Variants in PDCD6 observed in about 807,000 individuals in gnomAD.
The protein encoded by PDCD6 is programmed cell death protein 6.
PDCD6 carries 12 observed loss-of-function variants against 28.3 expected under a neutral mutation model. That is an observed-to-expected ratio of 0.42 (90% CI 0.27 to 0.69). The LOEUF (loss-of-function observed/expected upper bound fraction) is 0.69. PDCD6 is among the 30% of genes least tolerant of loss of function. PDCD6 has a pLI of 0.22. For synonymous variants in PDCD6, 92 were observed against 108.0 expected (o/e 0.85, Z 0.92); for missense variants, 226 against 269.9 (o/e 0.84, Z 1.14).
intron 2 of PDCD6, among the ~76,000 whole-genome samples, chr5:300,677 G>A (rs1420190407): frequency 2.6e-5 from 4 of 152,356 alleles, no homozygotes; most frequent in South Asian, 2.1e-4. Context: ...AGCTCGTTAC[G>A]GGCCGTTAGG....
intron 2 of PDCD6, among the ~76,000 whole-genome samples, chr5:284,034 T>C (rs534737240): frequency 6.6e-6 from 1 of 152,200 alleles, no homozygotes; most frequent in South Asian, 2.1e-4. Flanking sequence ...GTGGAGCTTA[T>C]GTTGTTTGCA....
chr5:311,319 G>T lies in PDCD6; in HGVS notation c.394G>T (p.Asp132Tyr), dbSNP rs1451981309. 2 of 1,614,064 alleles carry T rather than the reference G, an allele frequency of 1.2e-6. No individual in the cohort carries two copies. Among genetic ancestry groups the T allele is most frequent in the Non-Finnish European group, 1.7e-6 (2 of 1,179,988 alleles). ...FGYRLSDQFH[D>Y]ILIRKFDRQG... ...CTACCGGCTCTCTGACCAGTTCCAC[G>T]ACATCCTCATTCGAAAGTTTGACAG... The change falls in exon 5 of 6, where the codon GAC becomes TAC. Residue 132 changes from aspartate (D) to tyrosine (Y), a missense_variant. Around this residue, in one of 3 missense-constraint regions of PDCD6, gnomAD observed 151 missense variants for 177.2 expected, o/e 0.85. Coordinates refer to ENST00000264933, the MANE Select transcript of PDCD6 (RefSeq NM_013232.4).
At chr5:276,932 T>A (rs1738235386) in intron 2 of PDCD6, 1 of 984,980 alleles carries the variant, frequency 1.0e-6, no homozygotes. Flanking sequence ...AATAAAATGT[T>A]CCAAACTATC....
rs999877312 is a variant in PDCD6 at position 305,479 on chromosome 5, G to A, written c.209-1123G>A. ...TGATGGAGGGAGAGAAAACTTGGAAGTGTAGTAGTGGCAGGGCTCAGCCTT... is the reference window on the plus strand; with the variant it reads ...TGATGGAGGGAGAGAAAACTTGGAAATGTAGTAGTGGCAGGGCTCAGCCTT... On this transcript the variant is annotated intron_variant, in intron 3 of 5. Transcript: ENST00000264933. This position sits in a 1 kb window ranked among gnomAD's most constrained non-coding sequence, Gnocchi z 4.0. 6.6e-6 allele frequency: 1 copy of A among 152,202 alleles called. No individual in the cohort carries two copies. The highest frequency in any genetic ancestry group is 6.5e-5 in the Admixed American group (1 of 15,278). 9.4% of individuals were successfully genotyped at this position (152,202 alleles called of 1,614,324 possible). A position where few individuals can be genotyped will look rare whatever the true frequency, so the allele number is the denominator to read the frequency against.
chr5:304,146 T>C (rs2126760400), intron 2 of PDCD6, 31 bp from the exon 3 acceptor site: 1 of 1,190,760 alleles, frequency 8.4e-7, no homozygotes, highest in East Asian at 2.3e-5. Context: ...ATTTTCCTTT[T>C]ACTTTAACTC....
At chr5:272,300 G>A (rs1737875227) in intron 1 of PDCD6, among the ~76,000 whole-genome samples, 1 of 144,562 alleles carries the variant, frequency 6.9e-6, no homozygotes, top group Admixed American at 6.9e-5. Flanking sequence ...CAGCGACCTG[G>A]CGTCTGCTCG....
chr5:282,598 G>T (rs1378010616), intron 2 of PDCD6, among the ~76,000 whole-genome samples: 1 of 152,102 alleles, frequency 6.6e-6, no homozygotes, highest in African/African-American at 2.4e-5. Context: ...TCTTGCAGCT[G>T]CAGACCTGGA....
chr5:299,391 G>A (rs543378668), intron 2 of PDCD6, among the ~76,000 whole-genome samples: 16 of 149,390 alleles, frequency 1.1e-4, no homozygotes, highest in Non-Finnish European at 1.8e-4. Context: ...TGCTGGAACC[G>A]TGATCAGCCC....
At chr5:313,551 C>T (rs1055728927) in intron 5 of PDCD6, 1 of 152,244 alleles carries the variant, frequency 6.6e-6, no homozygotes, top group African/African-American at 2.4e-5. Flanking sequence ...AGCCTTGACC[C>T]TGAGGCTCAA....
chr5:302,395 C>CTGTGTGTGTGTGTGTGTGTG (rs1561046930), intron 2 of PDCD6, among the ~76,000 whole-genome samples: 14 of 76,178 alleles, frequency 1.8e-4, no homozygotes, highest in African/African-American at 1.4e-3. Context: ...GAGTGCTGCT[C>CTGTGTGTGTGTGTGTGTGTG]TGTGTGTATG....
chr5:290,982 G>C (rs1739279352), intron 2 of PDCD6, among the ~76,000 whole-genome samples: 2 of 152,190 alleles, frequency 1.3e-5, no homozygotes, highest in African/African-American at 4.8e-5. Context: ...GGATGGGTAA[G>C]GTATAAAGAA....
At chr5:274,981 T>A (rs1738096289) in intron 2 of PDCD6, among the ~76,000 whole-genome samples, 1 of 152,226 alleles carries the variant, frequency 6.6e-6, no homozygotes, top group Non-Finnish European at 1.5e-5. Context: ...TAACCCAAGC[T>A]GTGTATCGGG....
intron 2 of PDCD6, chr5:290,045 A>G: frequency 6.3e-7 from 1 of 1,589,528 alleles, no homozygotes; most frequent in Non-Finnish European, 8.6e-7. Flanking sequence ...ATACTGTTAA[A>G]TCCAGTGACA....
chr5:292,126 A>C (rs1440967921), intron 2 of PDCD6, among the ~76,000 whole-genome samples: 1 of 151,868 alleles, frequency 6.6e-6, no homozygotes, highest in Non-Finnish European at 1.5e-5. Flanking sequence ...GATATCTCCC[A>C]CTGTTAGGCT....
chr5:273,699 G>C (rs1441576381), intron 2 of PDCD6, among the ~76,000 whole-genome samples: 1 of 150,532 alleles, frequency 6.6e-6, no homozygotes, highest in Non-Finnish European at 1.5e-5. Context: ...GGGTGGGGGG[G>C]TGCTGGATTC....
chr5:287,740 A>G (rs1406439789), intron 2 of PDCD6, among the ~76,000 whole-genome samples: 2 of 152,194 alleles, frequency 1.3e-5, no homozygotes, highest in Admixed American at 1.3e-4. Flanking sequence ...GGTGGTTTCT[A>G]TGCACCCCTA....
In PDCD6 at chr5:271,674, G is replaced by T. The variant is rs879555386; in HGVS notation, c.-47G>T. On this transcript the variant is annotated 5_prime_UTR_variant, in exon 1 of 6. Coordinates refer to ENST00000264933, the MANE Select transcript of PDCD6 (RefSeq NM_013232.4). ...GGCGGAAGCGGAGTCGGCCTGAGAG[G>T]TCTCTCGTCGCTGCAGGCGCCTCAG... 17 of 1,124,674 alleles carry T rather than the reference G, an allele frequency of 1.5e-5. No individual in the cohort carries two copies. The Admixed American group carries it at 3.4e-4, about 22-fold the overall frequency. 69.7% of individuals were successfully genotyped at this position (1,124,674 alleles called of 1,614,324 possible).
Position 314,517 on chromosome 5 carries a change from C to T in PDCD6, c.*2C>T, listed in dbSNP as rs776781897. 7.5e-6 allele frequency: 12 copies of T among 1,605,152 alleles called. No homozygotes were observed. Among genetic ancestry groups the T allele is most frequent in the Middle Eastern group, 1.7e-4 (1 of 6,048 alleles). On this transcript the variant is annotated 3_prime_UTR_variant, in exon 6 of 6. Coordinates refer to ENST00000264933, the MANE Select transcript of PDCD6 (RefSeq NM_013232.4). ...TCCATGGTCTTCAGTATCGTATGAC[C>T]CTGGCCTCTCGTGAAGAGCAGCACA...
intron 2 of PDCD6, among the ~76,000 whole-genome samples, chr5:299,239 G>T (rs1268672220): frequency 2.3e-5 from 1 of 44,432 alleles, no homozygotes; most frequent in African/African-American, 1.1e-4. Flanking sequence ...CCCCTCCGCT[G>T]CTCCCCCCCA....
Sources: gnomAD v4.1 joint callset for allele counts (sites outside exome capture counted in the v4.1 genomes callset) on GRCh38, gnomAD v4.1.1 for gene constraint, gnomAD v4.1.1 regional missense constraint, Gnocchi (gnomAD v3.1) non-coding constraint, MANE v1.5 for transcripts, NCBI Gene and HGNC (gene_info 2026-07-23, HGNC 2026-07-21) for gene names.